UBE2E2: variants seen among roughly 807,000 people sequenced by gnomAD.
UBE2E2 encodes the protein ubiquitin conjugating enzyme E2 E2.
In UBE2E2, 6 loss-of-function variants were observed where a neutral mutation model predicts 24.7. The observed-to-expected ratio is 0.24, with a 90% CI of 0.13 to 0.48. The LOEUF is 0.48. Ranked by LOEUF, UBE2E2 falls within the 20% of genes least tolerant of loss-of-function variation. The pLI, the probability that UBE2E2 is intolerant of heterozygous loss-of-function variation, is 0.99. For missense variants in UBE2E2, 169 were observed against 245.0 expected (o/e 0.69, Z 2.07); for synonymous variants, 104 against 83.6 (o/e 1.24, Z -1.33).
At chr3:23,546,773 A>G (rs1199381607) in intron 5 of UBE2E2, among the ~76,000 whole-genome samples, 2 of 152,030 alleles carry the variant, frequency 1.3e-5, no homozygotes, top group Non-Finnish European at 2.9e-5. Context: ...GCGCCCGGCA[A>G]GAACATTTAG....
At chr3:23,304,298 C>T (rs1317231918) in intron 3 of UBE2E2, among the ~76,000 whole-genome samples, 1 of 152,078 alleles carries the variant, frequency 6.6e-6, no homozygotes, top group Non-Finnish European at 1.5e-5. Context: ...TCAAAAACCA[C>T]TGTTTTTTTC....
At position 23,472,239 on chromosome 3, in the gene UBE2E2, C is replaced by T. The variant is rs534852910; in HGVS notation, c.228-27369C>T. Among the ~76,000 whole-genome samples, 123 of 152,296 alleles carry T rather than the reference C, an allele frequency of 8.1e-4. 5 individuals are homozygous for T. The South Asian group carries it at 0.024, about 30-fold the overall frequency. Reference sequence around the variant, plus strand: ...CTTACTTTCTGTCCAGCCAGACTTACCTTCAGTTACAGCTCCCCCAGACAA... The same window carrying T: ...CTTACTTTCTGTCCAGCCAGACTTATCTTCAGTTACAGCTCCCCCAGACAA... On this transcript the variant is annotated intron_variant, in intron 3 of 5. Transcript: ENST00000396703.
chr3:23,300,826 G>T lies in UBE2E2; in HGVS notation c.227+83514G>T, dbSNP rs1301762514. On this transcript the variant is annotated intron_variant, in intron 3 of 5. Transcript: ENST00000396703. ...TCTATATTTCCTGAATCTGAATGTT[G>T]GCCTGCCTTGCTAGATTGGGGAAGT... Among the ~76,000 whole-genome samples the T allele has an allele frequency of 2.0e-5, 3 of 151,924 alleles. No individual in the cohort carries two copies. In the East Asian group the frequency reaches 5.8e-4, roughly 29 times the overall value.
At chr3:23,291,916 T>G (rs2125248856) in intron 3 of UBE2E2, among the ~76,000 whole-genome samples, 1 of 139,872 alleles carries the variant, frequency 7.1e-6, no homozygotes, top group East Asian at 2.2e-4. Context: ...CAGAGTGCAG[T>G]GGCACGATCT....
At chr3:23,252,430 T>A (rs914903092) in intron 3 of UBE2E2, among the ~76,000 whole-genome samples, 1 of 152,202 alleles carries the variant, frequency 6.6e-6, no homozygotes, top group African/African-American at 2.4e-5. Context: ...TGAAAAAGAA[T>A]TTGTGTGATT....
chr3:23,320,957 G>C (rs1256045554), intron 3 of UBE2E2, among the ~76,000 whole-genome samples: 1 of 152,196 alleles, frequency 6.6e-6, no homozygotes, highest in Non-Finnish European at 1.5e-5. Flanking sequence ...CTGAGAACTG[G>C]AAGTCTAAAA....
intron 3 of UBE2E2, among the ~76,000 whole-genome samples, chr3:23,392,735 G>C (rs1036746806): frequency 6.6e-6 from 1 of 152,122 alleles, no homozygotes; most frequent in African/African-American, 2.4e-5. Flanking sequence ...TTAATGTGGA[G>C]ACAGATGCTT....
chr3:23,291,088 AC>A, intron 3 of UBE2E2, among the ~76,000 whole-genome samples: 1 of 148,426 alleles, frequency 6.7e-6, no homozygotes, highest in Non-Finnish European at 1.5e-5. Flanking sequence ...AAAACAAAAA[AC>A]GTGAGCCTAG....
chr3:23,311,100 A>G (rs1385445323), intron 3 of UBE2E2, among the ~76,000 whole-genome samples: 2 of 152,174 alleles, frequency 1.3e-5, no homozygotes, highest in East Asian at 3.9e-4. Context: ...GAATGAGAAC[A>G]TGCGGTGTTT....
At chr3:23,298,824 C>T (rs1358776784) in intron 3 of UBE2E2, among the ~76,000 whole-genome samples, 5 of 151,870 alleles carry the variant, frequency 3.3e-5, no homozygotes, top group Admixed American at 3.3e-4. Flanking sequence ...GGGAGGATTC[C>T]CTCTTTTTCT....
At chr3:23,497,527 A>C (rs1469267922) in intron 3 of UBE2E2, among the ~76,000 whole-genome samples, 1 of 152,214 alleles carries the variant, frequency 6.6e-6, no homozygotes, top group African/African-American at 2.4e-5. Flanking sequence ...GTTATGATTT[A>C]ATACTCTATG....
chr3:23,291,349 A>G (rs560996034), intron 3 of UBE2E2, among the ~76,000 whole-genome samples: 177 of 152,326 alleles, frequency 1.2e-3, no homozygotes, highest in African/African-American at 3.5e-3. Flanking sequence ...ATTTAAAACT[A>G]TTGTAGTGAT....
intron 3 of UBE2E2, among the ~76,000 whole-genome samples, chr3:23,277,887 G>C (rs900927330): frequency 6.6e-6 from 1 of 152,092 alleles, no homozygotes; most frequent in African/African-American, 2.4e-5. Context: ...TTCTAGACTA[G>C]TGAGAAATAG....
At chr3:23,571,160 A>G (rs928885074) in intron 5 of UBE2E2, among the ~76,000 whole-genome samples, 3 of 151,540 alleles carry the variant, frequency 2.0e-5, no homozygotes, top group Admixed American at 6.6e-5. Flanking sequence ...AATATTACCT[A>G]TTTAATTATA....
Position 23,590,093 on chromosome 3 carries a change from A to C in UBE2E2, c.*262A>C. ...AAGATTTGGGATTTTTTCCCACCTC[A>C]TCATAGATGGGAACTTTTGTTTTCA... On this transcript the variant is annotated 3_prime_UTR_variant, in exon 6 of 6. Transcript: ENST00000396703. The C allele has an allele frequency of 5.3e-6, 2 of 378,536 alleles. No homozygotes were observed. Among genetic ancestry groups the C allele is most frequent in the Non-Finnish European group, 9.5e-6 (2 of 210,104 alleles). 23.4% of individuals were successfully genotyped at this position (378,536 alleles called of 1,614,324 possible). A position where few individuals can be genotyped will look rare whatever the true frequency, so the allele number is the denominator to read the frequency against.
At chr3:23,565,808 G>C (rs79965216) in intron 5 of UBE2E2, among the ~76,000 whole-genome samples, 1 of 152,020 alleles carries the variant, frequency 6.6e-6, no homozygotes, top group Non-Finnish European at 1.5e-5. Flanking sequence ...TAGTGTGTTC[G>C]CAGATCACTT....
chr3:23,536,457 G>A (rs896250689), intron 5 of UBE2E2, among the ~76,000 whole-genome samples: 1 of 151,956 alleles, frequency 6.6e-6, no homozygotes, highest in Non-Finnish European at 1.5e-5. Flanking sequence ...CTCTACTACT[G>A]TTACTCTCTA....
chr3:23,466,142 A>T (rs1434442912), intron 3 of UBE2E2, among the ~76,000 whole-genome samples: 1 of 152,200 alleles, frequency 6.6e-6, no homozygotes, highest in African/African-American at 2.4e-5. Context: ...ATAAATGTTA[A>T]TTTTCTGTTA....
At chr3:23,227,313 C>T (rs142442639) in intron 3 of UBE2E2, among the ~76,000 whole-genome samples, 264 of 152,276 alleles carry the variant, frequency 1.7e-3, no homozygotes, top group African/African-American at 6.2e-3. Context: ...TCTTTTATAT[C>T]CATATCTTCA....
Sources: allele counts gnomAD v4.1 joint callset (sites outside exome capture counted in the v4.1 genomes callset), GRCh38; gene constraint gnomAD v4.1.1; transcripts MANE v1.5; gene names NCBI Gene and HGNC (gene_info 2026-07-23, HGNC 2026-07-21).